Variants in SOX6 observed in about 807,000 individuals in gnomAD.
SOX6 encodes SRY-box transcription factor 6.
SOX6 carries 11 observed loss-of-function variants against 97.8 expected under a neutral mutation model. The observed-to-expected ratio is 0.11, with a 90% CI of 0.07 to 0.19. The LOEUF is 0.19. SOX6 is among the 10% of genes least tolerant of loss of function. The probability of loss-of-function intolerance (pLI) is 1.00; values close to 1 mark genes in which losing one functional copy is unlikely to be tolerated. For missense variants in SOX6, 810 were observed against 1,039.5 expected (o/e 0.78, Z 3.04); for synonymous variants, 360 against 371.4 (o/e 0.97, Z 0.35).
intron 4 of SOX6, among the ~76,000 whole-genome samples, chr11:16,201,403 G>A (rs1277063510): frequency 6.6e-6 from 1 of 151,598 alleles, no homozygotes; most frequent in Non-Finnish European, 1.5e-5. Context: ...TATGTAGCTG[G>A]CAAGCTGAAA....
chr11:16,025,618 T>C (rs1271313076), intron 12 of SOX6, among the ~76,000 whole-genome samples: 1 of 152,324 alleles, frequency 6.6e-6, no homozygotes, highest in Admixed American at 6.5e-5. Flanking sequence ...GAAACACAAG[T>C]GCAGTTTATT....
chr11:16,651,859 A>T (rs1194022328), intron 3 of SOX6, among the ~76,000 whole-genome samples: 5 of 152,164 alleles, frequency 3.3e-5, no homozygotes, highest in Non-Finnish European at 5.9e-5. Context: ...TTATATGATC[A>T]TATACCTAGA....
At chr11:16,215,956 T>C (rs1371395701) in intron 4 of SOX6, among the ~76,000 whole-genome samples, 1 of 152,174 alleles carries the variant, frequency 6.6e-6, no homozygotes, top group Non-Finnish European at 1.5e-5. Context: ...CTAGAGTAGA[T>C]GTTAGTATGC....
At chr11:16,726,562 A>T (rs1848307738) in intron 2 of SOX6, among the ~76,000 whole-genome samples, 1 of 152,274 alleles carries the variant, frequency 6.6e-6, no homozygotes, top group Non-Finnish European at 1.5e-5. Context: ...GCCTAAAGGC[A>T]CATGCCAAGA....
intron 4 of SOX6, among the ~76,000 whole-genome samples, chr11:16,528,170 A>G (rs1027374026): frequency 6.6e-6 from 1 of 152,090 alleles, no homozygotes; most frequent in African/African-American, 2.4e-5. Context: ...GAAATTTTAC[A>G]ATGTTTCTAA....
At chr11:16,247,897 T>C (rs1853387108) in intron 3 of SOX6, among the ~76,000 whole-genome samples, 2 of 152,018 alleles carry the variant, frequency 1.3e-5, no homozygotes. Context: ...AAGTCCAAAA[T>C]CTCATCTGAG....
At chr11:16,018,682 ATG>A (rs1418420806) in intron 12 of SOX6, among the ~76,000 whole-genome samples, 2 of 152,150 alleles carry the variant, frequency 1.3e-5, no homozygotes, top group Non-Finnish European at 2.9e-5. Context: ...TCTTAAATTT[ATG>A]TGTGTTATTT....
intron 2 of SOX6, among the ~76,000 whole-genome samples, chr11:16,336,139 T>C (rs1467169566): frequency 6.6e-6 from 1 of 152,194 alleles, no homozygotes; most frequent in East Asian, 1.9e-4. Context: ...TGTATCAATA[T>C]AAGAATGTGT....
chr11:16,532,614 G>A (rs541245857), intron 4 of SOX6, among the ~76,000 whole-genome samples: 1 of 151,960 alleles, frequency 6.6e-6, no homozygotes, highest in South Asian at 2.1e-4. Flanking sequence ...AAATAACAAT[G>A]TATACTCCAG....
chr11:16,349,447 C>G (rs1473646452), intron 1 of SOX6, among the ~76,000 whole-genome samples: 2 of 151,192 alleles, frequency 1.3e-5, no homozygotes, highest in Admixed American at 1.3e-4. Flanking sequence ...TGAAACCTGT[C>G]TCTACTAAAA....
chr11:16,606,792 TACA>T (rs947015991), intron 4 of SOX6, among the ~76,000 whole-genome samples: 6 of 152,296 alleles, frequency 3.9e-5, no homozygotes, highest in South Asian at 4.1e-4. Context: ...TATCTACGGC[TACA>T]ACATGTGTTT....
rs75996737 is a variant in SOX6 at position 16,524,430 on chromosome 11, C to A, written n.610-48042G>T. Among the ~76,000 whole-genome samples, 15 of 152,108 alleles carry A rather than the reference C, an allele frequency of 9.9e-5. No individual in the cohort carries two copies. In the South Asian group the frequency reaches 1.0e-3, roughly 11 times the overall value. ...AAGGCCTTTGACAAAATTCAACAAC[C>A]CTTCATGCTAATAAAAACTCTCAAT... On this transcript the variant is annotated intron_variant and non_coding_transcript_variant, in intron 4 of 5. Coordinates refer to the SOX6 transcript ENST00000524520.
intron 3 of SOX6, among the ~76,000 whole-genome samples, chr11:16,705,970 A>AAGTC (rs370751933): frequency 4.4e-4 from 2 of 4,592 alleles, no homozygotes; most frequent in South Asian, 0.01. Flanking sequence ...AAAATGGCAG[A>AAGTC]AGTCCTTCCT....
intron 3 of SOX6, among the ~76,000 whole-genome samples, chr11:16,671,747 C>T (rs1320657848): frequency 1.3e-5 from 2 of 152,202 alleles, no homozygotes; most frequent in African/African-American, 4.8e-5. Flanking sequence ...TCCATGAAAA[C>T]TCCCCCAACC....
At chr11:16,125,128 T>C (rs901218993) in intron 6 of SOX6, among the ~76,000 whole-genome samples, 2 of 152,230 alleles carry the variant, frequency 1.3e-5, no homozygotes, top group African/African-American at 2.4e-5. Flanking sequence ...CCATATAAGA[T>C]AGAAGCACAT....
chr11:16,545,888 G>A (rs906619250), intron 4 of SOX6, among the ~76,000 whole-genome samples: 2 of 152,126 alleles, frequency 1.3e-5, no homozygotes, highest in African/African-American at 4.8e-5. Flanking sequence ...GGCAGTTGAG[G>A]CTGCAGTGAG....
At chr11:16,473,734 T>C (rs962717058) in intron 1 of SOX6, among the ~76,000 whole-genome samples, 4 of 152,112 alleles carry the variant, frequency 2.6e-5, no homozygotes, top group Admixed American at 2.0e-4. Flanking sequence ...GTATTTTTAG[T>C]AGAGATGGAG....
intron 6 of SOX6, among the ~76,000 whole-genome samples, chr11:16,182,604 C>T (rs1393976164): frequency 1.3e-5 from 2 of 151,814 alleles, no homozygotes; most frequent in Admixed American, 1.3e-4. Context: ...TCAAAAATGC[C>T]AGACATTACA....
chr11:16,010,003 T>C (rs1238346202), intron 13 of SOX6, among the ~76,000 whole-genome samples: 5 of 151,924 alleles, frequency 3.3e-5, no homozygotes, highest in Non-Finnish European at 5.9e-5. Flanking sequence ...GCATTCATAT[T>C]AAGCGGTGTG....
Sources: allele counts gnomAD v4.1 joint callset (sites outside exome capture counted in the v4.1 genomes callset), GRCh38; gene constraint gnomAD v4.1.1; transcripts MANE v1.5; gene names NCBI Gene and HGNC (gene_info 2026-07-23, HGNC 2026-07-21).